The following HMGXB4 variants were observed in gnomAD, a reference collection of about 807,000 sequenced individuals.
The protein encoded by HMGXB4 is HMG domain-containing protein 4.
Under a neutral mutation model 63.9 loss-of-function variants are expected in HMGXB4, and 27 were observed. That is an observed-to-expected ratio of 0.42 (90% confidence interval 0.31 to 0.58). HMGXB4 has a LOEUF of 0.58. Among genes scored for constraint, HMGXB4 ranks in the 20% least tolerant of loss-of-function variants. The pLI is 0.13. For synonymous variants in HMGXB4, 264 were observed against 265.3 expected, an observed-to-expected ratio of 0.99 and a Z score of 0.05; for missense variants, 624 against 700.7, an observed-to-expected ratio of 0.89 and a Z score of 1.24.
chr22:35,263,437 C>T (rs1034720016), intron 3 of HMGXB4, among the ~76,000 whole-genome samples: 22 of 151,984 alleles, frequency 1.4e-4, no homozygotes, highest in African/African-American at 3.9e-4. Flanking sequence ...GCGCGGGCCA[C>T]CACGCCTGGC....
the HMGXB4 span, among the ~76,000 whole-genome samples, chr22:35,248,244 T>C: frequency 6.6e-6 from 1 of 151,996 alleles, no homozygotes; most frequent in African/African-American, 2.4e-5. Context: ...GGCTGGGTAA[T>C]GTGTAAAGAA....
chr22:35,285,900 G>C (rs1543303), intron 6 of HMGXB4, 97 bp from the exon 7 acceptor site: 506,489 of 838,286 alleles, frequency 0.6, 158,947 homozygotes, highest in Non-Finnish European at 0.65. Flanking sequence ...TTAAATATGA[G>C]CTTCAAAACC....
At chr22:35,248,744 G>A in the HMGXB4 span, among the ~76,000 whole-genome samples, 2 of 152,086 alleles carry the variant, frequency 1.3e-5, no homozygotes, top group Non-Finnish European at 2.9e-5. Context: ...TAGTGAACCA[G>A]CTGAAGAAAA....
Position 35,294,715 on chromosome 22 carries a change from G to A in HMGXB4, c.*1064G>A, listed in dbSNP as rs1281345079. On this transcript the variant is annotated 3_prime_UTR_variant, in exon 11 of 11. Transcript: ENST00000216106. ...ATTTTAATTTATCCTGTAAATTTCT[G>A]TATATATAATTTAATAACAGAAGCC... 3 of 152,080 alleles carry A rather than the reference G, an allele frequency of 2.0e-5. No homozygotes were observed. The highest frequency in any genetic ancestry group is 4.4e-5 in the Non-Finnish European group (3 of 67,994). The allele number at this position is 152,080 out of a possible 1,614,324, so 9.4% of individuals were successfully genotyped here.
At chr22:35,267,743 T>C (rs2146409199) in intron 5 of HMGXB4, among the ~76,000 whole-genome samples, 1 of 152,306 alleles carries the variant, frequency 6.6e-6, no homozygotes, top group East Asian at 1.9e-4. Flanking sequence ...ATTGAAAGAA[T>C]TCTGTAATGA....
chr22:35,242,131 ATTC>A, the HMGXB4 span, among the ~76,000 whole-genome samples: 1 of 152,194 alleles, frequency 6.6e-6, no homozygotes, highest in Middle Eastern at 3.2e-3. Context: ...AGTTTTTAAA[ATTC>A]TTCTTTAAAC....
chr22:35,283,964 A>C lies in HMGXB4; in HGVS notation c.1218A>C (p.Pro406=). 3.7e-6 allele frequency: 6 copies of C among 1,612,170 alleles called. No individual in the cohort carries two copies. Among genetic ancestry groups the C allele is most frequent in the Non-Finnish European group, 5.1e-6 (6 of 1,178,360 alleles). The change falls in exon 6 of 11, where the codon CCA becomes CCC. Residue 406 remains proline, a splice_region_variant and synonymous_variant. Coordinates refer to ENST00000216106, the MANE Select transcript of HMGXB4 (RefSeq NM_001003681.3). The stretch of plus-strand genomic sequence containing the variant: ...TTGTATCTTCTATGCGGCATTAGCC[A>C]AAAAAGAAGAACATGTCGGCCTACC... ...KDKERERGEK[P]KKKNMSAYQV...
At chr22:35,258,929 T>G (rs539479387) in intron 1 of HMGXB4, among the ~76,000 whole-genome samples, 1 of 152,332 alleles carries the variant, frequency 6.6e-6, no homozygotes, top group South Asian at 2.1e-4. Context: ...TCATTTACAT[T>G]ATGGGGTGAA....
intron 2 of HMGXB4, 80 bp downstream of exon 2, chr22:35,262,501 A>AGTC: frequency 5.9e-6 from 8 of 1,344,548 alleles, no homozygotes; most frequent in Non-Finnish European, 7.5e-6. Context: ...AGAGACCAGG[A>AGTC]CTGGGCACCA....
the HMGXB4 span, among the ~76,000 whole-genome samples, chr22:35,244,476 AC>A: frequency 1.3e-5 from 2 of 152,028 alleles, no homozygotes; most frequent in African/African-American, 2.4e-5. Context: ...TTATTCAAAG[AC>A]CTGTGCTAAC....
At chr22:35,278,351 A>C (rs991166367) in intron 5 of HMGXB4, among the ~76,000 whole-genome samples, 1 of 152,182 alleles carries the variant, frequency 6.6e-6, no homozygotes, top group East Asian at 1.9e-4. Flanking sequence ...TCAGTTTTCA[A>C]CTCCTTTGGG....
chr22:35,242,527 T>C, the HMGXB4 span, among the ~76,000 whole-genome samples: 2 of 146,508 alleles, frequency 1.4e-5, no homozygotes, highest in Non-Finnish European at 3.0e-5. Flanking sequence ...ATAATAGTAA[T>C]CTGCTCTCTC....
chr22:35,282,334 G>GCA (rs1924309183), intron 5 of HMGXB4, among the ~76,000 whole-genome samples: 2 of 152,060 alleles, frequency 1.3e-5, no homozygotes, highest in Admixed American at 6.6e-5. Flanking sequence ...CCACCACCAT[G>GCA]CCCGGCTAAT....
At chr22:35,277,833 C>A (rs529944584) in intron 5 of HMGXB4, among the ~76,000 whole-genome samples, 2 of 152,156 alleles carry the variant, frequency 1.3e-5, no homozygotes, top group Admixed American at 6.5e-5. Context: ...ACATTTGTTA[C>A]AACTGATGAA....
At chr22:35,243,227 A>G in the HMGXB4 span, among the ~76,000 whole-genome samples, 686 of 152,204 alleles carry the variant, frequency 4.5e-3, 7 homozygotes, top group African/African-American at 0.016. Flanking sequence ...AAAATTAGCC[A>G]GGTGTGGTGG....
At chr22:35,268,156 C>T (rs1419040557) in intron 5 of HMGXB4, among the ~76,000 whole-genome samples, 1 of 152,226 alleles carries the variant, frequency 6.6e-6, no homozygotes, top group Non-Finnish European at 1.5e-5. Flanking sequence ...TTGATAGATG[C>T]ACACACCTGT....
At chr22:35,268,937 C>G (rs1003278021) in intron 5 of HMGXB4, among the ~76,000 whole-genome samples, 1 of 152,220 alleles carries the variant, frequency 6.6e-6, no homozygotes, top group African/African-American at 2.4e-5. Context: ...CTAAGACATT[C>G]TGTACACCCC....
intron 9 of HMGXB4, among the ~76,000 whole-genome samples, chr22:35,288,931 G>A (rs967060957): frequency 1.3e-5 from 2 of 152,112 alleles, no homozygotes; most frequent in Admixed American, 6.5e-5. Context: ...CACGAGGTCA[G>A]GAGTTCAAGA....
At position 35,265,406 on chromosome 22, in the gene HMGXB4, T is replaced by A; in HGVS notation, c.1018T>A (p.Ser340Thr). 6.2e-7 allele frequency: 1 copy of A among 1,613,826 alleles called. No individual in the cohort carries two copies. The highest frequency in any genetic ancestry group is 8.5e-7 in the Non-Finnish European group (1 of 1,179,954). ...GGAGAAGCATAAAGAGAAGCGACAC[T>A]CCAAGTCCAAGAGAAGTTTAGGACT... is the stretch of plus-strand genomic sequence containing the variant. ...DKEKHKEKRHSKSKRSLGLSA... is the reference protein window; with the variant it reads ...DKEKHKEKRHTKSKRSLGLSA... The change falls in exon 5 of 11, where the codon TCC (serine) becomes ACC (threonine). Residue 340 changes from serine to threonine, a missense_variant. Transcript: ENST00000216106.
Sources: gnomAD v4.1 joint callset for allele counts (sites outside exome capture counted in the v4.1 genomes callset) on GRCh38, gnomAD v4.1.1 for gene constraint, MANE v1.5 for transcripts, NCBI Gene and HGNC (gene_info 2026-07-23, HGNC 2026-07-21) for gene names.